Variants in IKZF1 observed in about 807,000 individuals in gnomAD.
IKZF1 encodes DNA-binding protein Ikaros.
Under a neutral mutation model 51.7 loss-of-function variants are expected in IKZF1, and 10 were observed. The observed-to-expected ratio is 0.19, with a 90% CI of 0.12 to 0.33. The LOEUF (loss-of-function observed/expected upper bound fraction) is 0.33, where lower values mean the gene tolerates loss of function less well. IKZF1 is among the 10% of genes least tolerant of loss of function. The pLI is 1.00. For missense variants in IKZF1, 484 were observed against 707.5 expected, an observed-to-expected ratio of 0.68 and a Z score of 3.58; for synonymous variants, 280 against 282.3, an observed-to-expected ratio of 0.99 and a Z score of 0.08.
intron 3 of IKZF1, among the ~76,000 whole-genome samples, chr7:50,362,258 A>T (rs940164944): frequency 6.6e-6 from 1 of 152,102 alleles, no homozygotes; most frequent in Non-Finnish European, 1.5e-5. Context: ...TCGACCTGAC[A>T]CTCATCCCTG....
intron 3 of IKZF1, among the ~76,000 whole-genome samples, chr7:50,362,720 G>C (rs1033595281): frequency 1.3e-5 from 2 of 152,166 alleles, no homozygotes; most frequent in Non-Finnish European, 2.9e-5. Flanking sequence ...CACAGGACTG[G>C]AGGATTTTTT....
chr7:50,340,453 G>A (rs971995024), intron 3 of IKZF1, among the ~76,000 whole-genome samples: 1 of 152,204 alleles, frequency 6.6e-6, no homozygotes. Context: ...TCGATGGAAG[G>A]CCTTCAGCAT....
At chr7:50,395,957 T>G (rs573989688) in intron 7 of IKZF1, among the ~76,000 whole-genome samples, 59 of 152,354 alleles carry the variant, frequency 3.9e-4, no homozygotes, top group African/African-American at 1.3e-3. Context: ...GTGTAACTGT[T>G]TCTTCTTCAA....
chr7:50,391,931 G>T, intron 7 of IKZF1, 68 bp downstream of exon 7: 3 of 1,526,580 alleles, frequency 2.0e-6, no homozygotes, highest in South Asian at 1.2e-5. Context: ...AAGTAGAAAT[G>T]AGTTGAGGGT....
intron 1 of IKZF1, among the ~76,000 whole-genome samples, chr7:50,307,695 G>A (rs1051673118): frequency 1.3e-5 from 2 of 152,116 alleles, no homozygotes; most frequent in East Asian, 1.9e-4. Flanking sequence ...TCTATTTCAC[G>A]TCTTGAAAAC....
chr7:50,320,319 A>G (rs1365496378), intron 2 of IKZF1, among the ~76,000 whole-genome samples: 1 of 152,190 alleles, frequency 6.6e-6, no homozygotes, highest in Non-Finnish European at 1.5e-5. Flanking sequence ...ATAATTGTGT[A>G]CATAGACACA....
At chr7:50,370,545 A>C (rs1191416980) in intron 3 of IKZF1, among the ~76,000 whole-genome samples, 1 of 152,226 alleles carries the variant, frequency 6.6e-6, no homozygotes, top group Admixed American at 6.5e-5. Flanking sequence ...ATAACATAGA[A>C]GCCCTCCAAG....
chr7:50,316,767 C>G (rs972955377), intron 1 of IKZF1, among the ~76,000 whole-genome samples: 1 of 152,242 alleles, frequency 6.6e-6, no homozygotes, highest in Non-Finnish European at 1.5e-5. Context: ...CTCCATGCAG[C>G]AAACTCAGAG....
At chr7:50,367,267 C>T (rs766099060) in intron 3 of IKZF1, among the ~76,000 whole-genome samples, 1 of 152,110 alleles carries the variant, frequency 6.6e-6, no homozygotes, top group East Asian at 1.9e-4. Context: ...ACACTGTGTA[C>T]GTCACTTTAA....
At chr7:50,356,929 T>G (rs892177382) in intron 3 of IKZF1, among the ~76,000 whole-genome samples, 2 of 151,512 alleles carry the variant, frequency 1.3e-5, no homozygotes, top group South Asian at 4.2e-4. Flanking sequence ...AAGGCCCGAC[T>G]GTCCGGTCTT....
At chr7:50,337,620 T>C (rs947383605) in intron 3 of IKZF1, among the ~76,000 whole-genome samples, 25 of 152,334 alleles carry the variant, frequency 1.6e-4, no homozygotes, top group Non-Finnish European at 3.4e-4. Context: ...TGCTGTCTGA[T>C]ACATTGGTAT....
chr7:50,394,835 C>G (rs144420422), intron 7 of IKZF1, among the ~76,000 whole-genome samples: 1 of 152,264 alleles, frequency 6.6e-6, no homozygotes, highest in Non-Finnish European at 1.5e-5. Context: ...AAAGATCTCC[C>G]CCTCTGAGAC....
rs1261844303 is a variant in IKZF1 at position 50,304,938 on chromosome 7, T to G, written c.-15+16T>G. 6.6e-6 allele frequency: 1 copy of G among 152,466 alleles called. No homozygotes were observed. The highest frequency in any genetic ancestry group is 6.5e-5 in the Admixed American group (1 of 15,280). 9.4% of individuals were successfully genotyped at this position (152,466 alleles called of 1,614,324 possible). On this transcript the variant is annotated intron_variant, in intron 1 of 7. Coordinates refer to ENST00000331340, the MANE Select transcript of IKZF1 (RefSeq NM_006060.6). Reference sequence around the variant, plus strand: ...ACAAATCCACGTGAGTGTTTTCAAATTGAATTTCAATAGGAAAACTTGGGG... The same window carrying G: ...ACAAATCCACGTGAGTGTTTTCAAAGTGAATTTCAATAGGAAAACTTGGGG...
intron 3 of IKZF1, among the ~76,000 whole-genome samples, chr7:50,331,713 A>G (rs998859155): frequency 1.1e-4 from 16 of 152,330 alleles, no homozygotes; most frequent in African/African-American, 3.6e-4. Flanking sequence ...TTCACACCTC[A>G]TTGCTTCATT....
intron 3 of IKZF1, among the ~76,000 whole-genome samples, chr7:50,374,311 T>C (rs949596263): frequency 3.9e-5 from 6 of 152,308 alleles, no homozygotes; most frequent in Non-Finnish European, 8.8e-5. Flanking sequence ...ATAGGTTCTA[T>C]AGGGCCATTT....
intron 3 of IKZF1, chr7:50,328,835 A>C (rs1313934994): frequency 2.0e-5 from 3 of 152,218 alleles, no homozygotes; most frequent in Non-Finnish European, 2.9e-5. Context: ...GCACTTTGGG[A>C]GGCCGAGGCT....
chr7:50,343,944 C>T (rs966641272), intron 3 of IKZF1, among the ~76,000 whole-genome samples: 1 of 152,188 alleles, frequency 6.6e-6, no homozygotes, highest in African/African-American at 2.4e-5. Context: ...CTGAGGAATG[C>T]TGTTTTTTTG....
intron 4 of IKZF1, 112 bp from the exon 5 acceptor site, chr7:50,382,428 C>G: frequency 7.1e-7 from 1 of 1,412,012 alleles, no homozygotes; most frequent in Non-Finnish European, 9.3e-7. Flanking sequence ...TCTATCAAAC[C>G]TGCAGCCGGT....
chr7:50,396,996 C>G (rs1816884166), intron 7 of IKZF1, among the ~76,000 whole-genome samples: 1 of 152,188 alleles, frequency 6.6e-6, no homozygotes, highest in Non-Finnish European at 1.5e-5. Context: ...TCATCTGATT[C>G]TTGTCAGCCA....
Sources: gnomAD v4.1 joint callset for allele counts (sites outside exome capture counted in the v4.1 genomes callset) on GRCh38, gnomAD v4.1.1 for gene constraint, MANE v1.5 for transcripts, NCBI Gene and HGNC (gene_info 2026-07-23, HGNC 2026-07-21) for gene names.